Variants in RTN4 observed in about 807,000 individuals in gnomAD.
RTN4 encodes reticulon-4.
RTN4 carries 32 observed loss-of-function variants against 90.4 expected under a neutral mutation model. That is an observed-to-expected ratio of 0.35 (90% CI 0.27 to 0.48). The LOEUF (loss-of-function observed/expected upper bound fraction) is 0.48. Ranked by LOEUF, RTN4 falls within the 20% of genes least tolerant of loss-of-function variation. The pLI is 0.99. For missense variants in RTN4, 1,706 were observed against 1,430.2 expected, an observed-to-expected ratio of 1.19 and a Z score of -3.11; for synonymous variants, 629 against 552.5, an observed-to-expected ratio of 1.14 and a Z score of -1.94.
At chr2:54,988,925 T>C (rs1271353280) in intron 3 of RTN4, among the ~76,000 whole-genome samples, 1 of 152,182 alleles carries the variant, frequency 6.6e-6, no homozygotes, top group Non-Finnish European at 1.5e-5. Flanking sequence ...CTTGAATTCA[T>C]AGGCTGATGT....
chr2:55,050,066 T>A lies in RTN4; in HGVS notation c.235A>T (p.Met79Leu), dbSNP rs747546226. 1.0e-5 allele frequency: 15 copies of A among 1,443,636 alleles called. No homozygotes were observed. In the African/African-American group the frequency reaches 2.1e-4, roughly 20 times the overall value. The allele number at this position is 1,443,636 out of a possible 1,614,324, so 89.4% of individuals were successfully genotyped here. ...PTAPAAGAPLMDFGNDFVPPA... is the reference protein window; with the variant it reads ...PTAPAAGAPLLDFGNDFVPPA... The stretch of plus-strand genomic sequence containing the variant: ...GGCACGAAGTCATTTCCGAAGTCCA[T>A]CAGGGGCGCGCCGGCGGCAGGGGCG... Residue 79 changes from methionine to leucine, a missense_variant, in exon 1 of 9, where the codon ATG (methionine) becomes TTG (leucine). By Grantham distance (15) the Met-to-Leu change is conservative (BLOSUM62 2). Coordinates refer to ENST00000337526, the MANE Select transcript of RTN4 (RefSeq NM_020532.5). The surrounding 1 kb of genome is among the most constrained non-coding windows in gnomAD (Gnocchi z 4.6).
intron 3 of RTN4, among the ~76,000 whole-genome samples, chr2:55,017,065 G>A (rs918203763): frequency 9.9e-5 from 15 of 152,020 alleles, no homozygotes; most frequent in African/African-American, 2.4e-4. Flanking sequence ...AAATATAATC[G>A]TTTCCTTTAT....
At chr2:55,085,203 C>T (rs147339772) in intron 1 of RTN4, among the ~76,000 whole-genome samples, 231 of 152,226 alleles carry the variant, frequency 1.5e-3, no homozygotes, top group African/African-American at 3.9e-3. Context: ...TGTGCGTAGA[C>T]ATAACAGGAG....
At chr2:55,097,111 T>G (rs1667746034) in intron 1 of RTN4, among the ~76,000 whole-genome samples, 1 of 151,594 alleles carries the variant, frequency 6.6e-6, no homozygotes, top group South Asian at 2.1e-4. Context: ...CCAAGAGAAG[T>G]TCTAGGCAGA....
At chr2:55,029,347 T>C (rs924948884) in intron 1 of RTN4, among the ~76,000 whole-genome samples, 1 of 152,174 alleles carries the variant, frequency 6.6e-6, no homozygotes, top group Admixed American at 6.5e-5. Flanking sequence ...CACTCTATAT[T>C]GGTAATATTA....
upstream of RTN4, among the ~76,000 whole-genome samples, chr2:55,051,288 C>A (rs1284191026): frequency 6.6e-6 from 1 of 152,112 alleles, no homozygotes; most frequent in African/African-American, 2.4e-5. Flanking sequence ...AAGAGAGAGG[C>A]AGCGGGGAGA....
rs1677184585 is a variant in RTN4 at position 54,972,749 on chromosome 2, T to C, written c.*407A>G. 6.3e-6 allele frequency: 1 copy of C among 159,058 alleles called. No homozygotes were observed. The highest frequency in any genetic ancestry group is 2.4e-5 in the African/African-American group (1 of 41,218). 9.9% of individuals were successfully genotyped at this position (159,058 alleles called of 1,614,324 possible). A position where few individuals can be genotyped will look rare whatever the true frequency, so the allele number is the denominator to read the frequency against. On this transcript the variant is annotated 3_prime_UTR_variant, in exon 9 of 9. Transcript: ENST00000337526. The stretch of plus-strand genomic sequence containing the variant: ...AACAAACATTTCATTTCAGAAAATC[T>C]GCATCAATCTACACGGACCATACAC...
upstream of RTN4, among the ~76,000 whole-genome samples, chr2:55,112,804 G>A (rs1490604975): frequency 3.3e-5 from 5 of 152,204 alleles, no homozygotes; most frequent in East Asian, 1.9e-4. Flanking sequence ...CACTTCAGCC[G>A]CTATTTATTC....
chr2:55,023,912 T>C (rs558085237), intron 3 of RTN4, among the ~76,000 whole-genome samples: 1 of 152,198 alleles, frequency 6.6e-6, no homozygotes, highest in East Asian at 1.9e-4. Context: ...CTTCAAGTAG[T>C]CCTCTTCTCT....
chr2:55,100,580 C>G (rs1667834565), intron 1 of RTN4, among the ~76,000 whole-genome samples: 1 of 152,134 alleles, frequency 6.6e-6, no homozygotes, highest in Non-Finnish European at 1.5e-5. Flanking sequence ...TAGACCCCAA[C>G]AAAGCCTCAA....
intron 1 of RTN4, among the ~76,000 whole-genome samples, chr2:55,036,105 A>G (rs986153265): frequency 6.6e-6 from 1 of 152,192 alleles, no homozygotes; most frequent in Non-Finnish European, 1.5e-5. Flanking sequence ...TAAAATTTTT[A>G]TAGATTTATG....
chr2:55,035,446 T>G (rs1051097138), intron 1 of RTN4, among the ~76,000 whole-genome samples: 1 of 152,054 alleles, frequency 6.6e-6, no homozygotes, highest in Non-Finnish European at 1.5e-5. Context: ...CAAATGATCA[T>G]GAAAATGTGT....
At chr2:55,018,613 T>C (rs893914840) in intron 3 of RTN4, among the ~76,000 whole-genome samples, 9 of 152,160 alleles carry the variant, frequency 5.9e-5, no homozygotes, top group African/African-American at 2.2e-4. Flanking sequence ...AAATAATGTA[T>C]TGGTGGTCTT....
intron 1 of RTN4, among the ~76,000 whole-genome samples, chr2:55,088,812 A>G (rs1040424337): frequency 6.6e-6 from 1 of 152,232 alleles, no homozygotes; most frequent in Non-Finnish European, 1.5e-5. Flanking sequence ...GGTGAAATTT[A>G]TCCAACAGTG....
At chr2:55,084,239 C>T (rs1274757201) in intron 1 of RTN4, among the ~76,000 whole-genome samples, 1 of 152,078 alleles carries the variant, frequency 6.6e-6, no homozygotes, top group Non-Finnish European at 1.5e-5. Flanking sequence ...CTCACAACCC[C>T]TTCCCCATAC....
chr2:54,981,947 C>CTATA (rs34736146), intron 5 of RTN4, among the ~76,000 whole-genome samples: 2 of 150,948 alleles, frequency 1.3e-5, no homozygotes, highest in African/African-American at 4.9e-5. Context: ...GAAAGTATTA[C>CTATA]TATATATATA....
In RTN4 at chr2:55,037,656, C is replaced by A. The variant is rs1263880250; in HGVS notation, c.557-9436G>T. ...ATATCCTCTGCCAGCATCCATGAAA[C>A]TATGACAGGCTAACTTGTTACCTTT... On this transcript the variant is annotated intron_variant, in intron 1 of 8. Coordinates refer to ENST00000337526, the MANE Select transcript of RTN4 (RefSeq NM_020532.5). 8.5e-5 allele frequency among the ~76,000 whole-genome samples: 13 copies of A among 152,330 alleles called. No individual in the cohort carries two copies. The East Asian group carries it at 2.1e-3, about 25-fold the overall frequency.
chr2:55,092,224 T>C (rs1158424546), intron 1 of RTN4, among the ~76,000 whole-genome samples: 1 of 149,208 alleles, frequency 6.7e-6, no homozygotes, highest in African/African-American at 2.5e-5. Flanking sequence ...AAGGGAGAGA[T>C]TTTTTTTTCT....
intron 2 of RTN4, among the ~76,000 whole-genome samples, chr2:55,074,424 G>C (rs1238433917): frequency 6.6e-6 from 1 of 150,386 alleles, no homozygotes; most frequent in Non-Finnish European, 1.5e-5. Context: ...GACTGCTTGA[G>C]CCCTGGAGGT....
Sources: allele counts gnomAD v4.1 joint callset (sites outside exome capture counted in the v4.1 genomes callset), GRCh38; gene constraint gnomAD v4.1.1; non-coding constraint Gnocchi (gnomAD v3.1); transcripts MANE v1.5; gene names NCBI Gene and HGNC (gene_info 2026-07-23, HGNC 2026-07-21).